SNRPC: variants seen among roughly 807,000 people sequenced by gnomAD.
SNRPC encodes the protein small nuclear ribonucleoprotein polypeptide C.
SNRPC carries 5 observed loss-of-function variants against 20.0 expected under a neutral mutation model. The ratio of observed to expected loss-of-function variants is 0.25; its 90% CI spans 0.13 to 0.53. SNRPC has a LOEUF of 0.53. Among genes scored for constraint, SNRPC ranks in the 20% least tolerant of loss-of-function variants. SNRPC has a pLI of 0.96. For missense variants in SNRPC, 112 were observed against 224.1 expected, an observed-to-expected ratio of 0.50 and a Z score of 3.19; for synonymous variants, 61 against 58.7, an observed-to-expected ratio of 1.04 and a Z score of -0.18.
intron 5 of SNRPC, among the ~76,000 whole-genome samples, chr6:34,771,013 C>A (rs947986726): frequency 3.0e-4 from 45 of 152,236 alleles, no homozygotes; most frequent in African/African-American, 1.0e-3. Context: ...CTTTCTGATA[C>A]ATGAGCAGGA....
In SNRPC at chr6:34,770,292, G is replaced by A. The variant is rs141513674; in HGVS notation, c.252G>A (p.Pro84=). Reference sequence around the variant, plus strand: ...CACAGGCTCCATTCTTTATTTCAGCGGGTCCTCCTCGCCCTGGTATGATGC... The same window carrying A: ...CACAGGCTCCATTCTTTATTTCAGCAGGTCCTCCTCGCCCTGGTATGATGC... ...GAMIPPPPSL[P]GPPRPGMMPA... The change falls in exon 5 of 6, where the codon CCG becomes CCA. Residue 84 remains proline (P), a splice_region_variant and synonymous_variant. Transcript: ENST00000244520. 1.0e-5 allele frequency: 16 copies of A among 1,603,458 alleles called. No homozygotes were observed. Among genetic ancestry groups the A allele is most frequent in the Non-Finnish European group, 1.1e-5 (13 of 1,170,432 alleles).
chr6:34,770,300 C>T lies in SNRPC; in HGVS notation c.260C>T (p.Pro87Leu). 1 of 1,610,512 alleles carries T rather than the reference C, an allele frequency of 6.2e-7. No individual in the cohort carries two copies. The highest frequency in any genetic ancestry group is 1.7e-5 in the Admixed American group (1 of 60,018). The stretch of plus-strand genomic sequence containing the variant: ...CCATTCTTTATTTCAGCGGGTCCTC[C>T]TCGCCCTGGTATGATGCCAGCACCC... ...IPPPPSLPGP[P>L]RPGMMPAPHM... Residue 87 changes from proline (P) to leucine (L), a missense_variant, in exon 5 of 6, where the codon CCT becomes CTT. By Grantham distance (98) the Pro-to-Leu change is moderately conservative. Transcript: ENST00000244520.
rs1045918412 is a variant in SNRPC at position 34,768,766 on chromosome 6, A to G, written c.250+769A>G. 7.2e-5 allele frequency among the ~76,000 whole-genome samples: 11 copies of G among 151,726 alleles called. 1 individual carries two copies. Among genetic ancestry groups the G allele is most frequent in the South Asian group, 2.1e-4 (1 of 4,820 alleles). ...AAGACTTTGTCTCAAAAAAAAAAAA[A>G]AAAAGAAAAGAAAAGAAGGAAAGGT... On this transcript the variant is annotated intron_variant, in intron 4 of 5. Transcript: ENST00000244520.
At chr6:34,758,168 C>T (rs1356047355) in intron 2 of SNRPC, among the ~76,000 whole-genome samples, 1 of 152,230 alleles carries the variant, frequency 6.6e-6, no homozygotes, top group East Asian at 1.9e-4. Context: ...TGCCTGCAGT[C>T]CCAGATACGC....
chr6:34,769,065 C>A (rs111934162), intron 4 of SNRPC, among the ~76,000 whole-genome samples: 1,980 of 152,188 alleles, frequency 0.013, 15 homozygotes, highest in South Asian at 0.028. Context: ...TTTCTGGGCA[C>A]CTGCCATCCT....
chr6:34,759,551 A>T (rs1263259920), intron 2 of SNRPC, among the ~76,000 whole-genome samples: 1 of 152,240 alleles, frequency 6.6e-6, no homozygotes, highest in Non-Finnish European at 1.5e-5. Context: ...TTTTAATAAA[A>T]ATTAATAATT....
rs1469630381 is a variant in SNRPC at position 34,766,783 on chromosome 6, A to G, written c.161-1125A>G. ...CTTTATTCAGAGGCATATGGATAAT[A>G]AGCTATTCATGAATCTCCACTTAGG... is the stretch of plus-strand genomic sequence containing the variant. On this transcript the variant is annotated intron_variant, in intron 3 of 5. Coordinates refer to ENST00000244520, the MANE Select transcript of SNRPC (RefSeq NM_003093.3). Among the ~76,000 whole-genome samples the G allele has an allele frequency of 2.6e-5, 4 of 152,320 alleles. No individual in the cohort carries two copies. The South Asian group carries it at 6.2e-4, about 24-fold the overall frequency.
intron 2 of SNRPC, among the ~76,000 whole-genome samples, chr6:34,761,795 T>C (rs1378408199): frequency 6.6e-6 from 1 of 151,960 alleles, no homozygotes; most frequent in Non-Finnish European, 1.5e-5. Flanking sequence ...AGGCTTGAGC[T>C]ACTGCGCCCA....
In SNRPC at chr6:34,770,231, A is replaced by G. The variant is rs528599509; in HGVS notation, c.251-60A>G. On this transcript the variant is annotated intron_variant, in intron 4 of 5. Coordinates refer to ENST00000244520, the MANE Select transcript of SNRPC (RefSeq NM_003093.3). ...GAACGAAACTCCGTCTCAAAAAAAAAGAAGAGAAAATGTTAATATGTGAGC... is the reference window on the plus strand; with the variant it reads ...GAACGAAACTCCGTCTCAAAAAAAAGGAAGAGAAAATGTTAATATGTGAGC... The G allele has an allele frequency of 3.5e-5, 43 of 1,240,872 alleles. No individual in the cohort carries two copies. In the East Asian group the frequency reaches 8.8e-4, roughly 25 times the overall value. The allele number at this position is 1,240,872 out of a possible 1,614,324, so 76.9% of individuals were successfully genotyped here. A position where few individuals can be genotyped will look rare whatever the true frequency, so the allele number is the denominator to read the frequency against.
chr6:34,760,329 G>T lies in SNRPC; in HGVS notation c.52-2266G>T, dbSNP rs79287426. On this transcript the variant is annotated intron_variant, in intron 2 of 5. Coordinates refer to ENST00000244520, the MANE Select transcript of SNRPC (RefSeq NM_003093.3). The stretch of plus-strand genomic sequence containing the variant: ...GGTTTCACCATGAAAAAACGGTCCC[G>T]CCTCAGCCTCCCAAAGTGCTGGGAG... Among the ~76,000 whole-genome samples, 42 of 151,866 alleles carry T rather than the reference G, an allele frequency of 2.8e-4. No homozygotes were observed. In the East Asian group the frequency reaches 7.4e-3, roughly 27 times the overall value.
chr6:34,770,609 A>G (rs1764673994), intron 5 of SNRPC, among the ~76,000 whole-genome samples: 1 of 152,192 alleles, frequency 6.6e-6, no homozygotes, highest in Admixed American at 6.5e-5. Context: ...TATTAATGAT[A>G]AAGAAAAAGA....
intron 4 of SNRPC, 95 bp from the exon 5 acceptor site, chr6:34,770,193 GCCT>G (rs1764668862): frequency 4.4e-6 from 4 of 901,728 alleles, no homozygotes; most frequent in Non-Finnish European, 5.5e-6. Context: ...TTGCACTCCG[GCCT>G]GGGCAACAAG....
intron 3 of SNRPC, among the ~76,000 whole-genome samples, chr6:34,766,820 G>A (rs1581591920): frequency 1.3e-5 from 2 of 152,010 alleles, no homozygotes; most frequent in African/African-American, 4.8e-5. Flanking sequence ...CACTTTTTTT[G>A]GATCTGATCC....
Position 34,773,316 on chromosome 6 carries a change from CGT to C in SNRPC, c.356-125_356-124del. The C allele has an allele frequency of 1.4e-6, 1 of 698,026 alleles. No individual in the cohort carries two copies. 43.2% of individuals were successfully genotyped at this position (698,026 alleles called of 1,614,324 possible). A position where few individuals can be genotyped will look rare whatever the true frequency, so the allele number is the denominator to read the frequency against. Reference sequence around the variant, plus strand: ...TAAATTTGTTGCATTTCTTCTGTCACGTGTGTCTTTTTTCCAGCATTTTGCAA... The same window carrying C: ...TAAATTTGTTGCATTTCTTCTGTCACGTGTCTTTTTTCCAGCATTTTGCAA... On this transcript the variant is annotated intron_variant, in intron 5 of 5. Coordinates refer to ENST00000244520, the MANE Select transcript of SNRPC (RefSeq NM_003093.3). The surrounding 1 kb of genome is among the most constrained non-coding windows in gnomAD (Gnocchi z 4.1).
intron 2 of SNRPC, among the ~76,000 whole-genome samples, chr6:34,762,322 A>C (rs1482781824): frequency 2.0e-5 from 3 of 151,910 alleles, no homozygotes; most frequent in Non-Finnish European, 4.4e-5. Context: ...AAAAAGATAG[A>C]TAGAGATAAA....
At chr6:34,771,325 TC>T (rs1454488802) in intron 5 of SNRPC, among the ~76,000 whole-genome samples, 2 of 118,314 alleles carry the variant, frequency 1.7e-5, no homozygotes, top group Non-Finnish European at 3.3e-5. Flanking sequence ...TGAGACTGTG[TC>T]TCAAAAAAAA....
At chr6:34,764,079 T>A (rs1764580809) in intron 3 of SNRPC, among the ~76,000 whole-genome samples, 1 of 151,622 alleles carries the variant, frequency 6.6e-6, no homozygotes, top group Non-Finnish European at 1.5e-5. Context: ...GTGGCTTACT[T>A]ACGCCTGTAA....
intron 3 of SNRPC, among the ~76,000 whole-genome samples, chr6:34,767,298 AT>A (rs1309544319): frequency 6.6e-6 from 1 of 152,262 alleles, no homozygotes; most frequent in Non-Finnish European, 1.5e-5. Flanking sequence ...ACATCTATAG[AT>A]TAAAGATGAC....
intron 5 of SNRPC, among the ~76,000 whole-genome samples, chr6:34,772,100 T>C (rs1764699363): frequency 6.6e-6 from 1 of 152,168 alleles, no homozygotes. Context: ...ATTGAGTAAT[T>C]AGAGGGTGGA....
Sources: gnomAD v4.1 joint callset for allele counts (sites outside exome capture counted in the v4.1 genomes callset) on GRCh38, gnomAD v4.1.1 for gene constraint, Gnocchi (gnomAD v3.1) non-coding constraint, MANE v1.5 for transcripts, NCBI Gene and HGNC (gene_info 2026-07-23, HGNC 2026-07-21) for gene names.